The following KRT6C variants were observed in gnomAD, a reference collection of about 807,000 sequenced individuals.
KRT6C encodes keratin 6C, also known as keratin, type II cytoskeletal 6C.
Under a neutral mutation model 49.4 loss-of-function variants are expected in KRT6C, and 46 were observed. The observed-to-expected ratio is 0.93, with a 90% CI of 0.74 to 1.19. The LOEUF (loss-of-function observed/expected upper bound fraction) is 1.19. Among genes scored for constraint, KRT6C ranks in the 50% most tolerant of loss-of-function variants. KRT6C has a pLI of 0.00. For missense variants in KRT6C, 552 were observed against 737.5 expected (o/e 0.75, Z 2.91); for synonymous variants, 236 against 297.1 (o/e 0.79, Z 2.12).
chr12:52,470,653 G>T, intron 5 of KRT6C, 23 bp from the exon 6 acceptor site: 1 of 1,613,850 alleles, frequency 6.2e-7, no homozygotes. Context: ...GGTGGAGAGA[G>T]AGACAGTGTC....
Position 52,471,436 on chromosome 12 carries a change from T to C in KRT6C, c.897A>G (p.Arg299=), listed in dbSNP as rs761041689. ...AGATGCTTACTGCATCATACAAGGC[T>C]CTCAGGAAGTTGATCTCATCTGTGA... The part of the protein sequence containing the change: ...DTLTDEINFL[R]ALYDAELSQM... Residue 299 remains arginine, a synonymous_variant, in exon 4 of 9, where the codon AGA becomes AGG. Coordinates refer to ENST00000252250, the MANE Select transcript of KRT6C (RefSeq NM_173086.5). 2.5e-6 allele frequency: 4 copies of C among 1,613,822 alleles called. No individual in the cohort carries two copies. In the African/African-American group the frequency reaches 4.0e-5, roughly 16 times the overall value.
rs772403772 is a variant in KRT6C at position 52,469,779 on chromosome 12, G to C, written c.1315C>G (p.Gln439Glu). The stretch of plus-strand genomic sequence containing the variant: ...TCCTTCAGCAGCCGGGCCAGGTCCT[G>C]CTTGGCCTTCTGCAGGGCATCCTCC... Reference protein sequence around the residue: ...GLEDALQKAKQDLARLLKEYQ... With the variant: ...GLEDALQKAKEDLARLLKEYQ... Residue 439 changes from glutamine to glutamate, a missense_variant, in exon 7 of 9, where the codon CAG becomes GAG. Gln to Glu is a conservative substitution (Grantham distance 29). Transcript: ENST00000252250. 5.0e-5 allele frequency: 81 copies of C among 1,613,994 alleles called. No individual in the cohort carries two copies. In the South Asian group the frequency reaches 7.4e-4, roughly 15 times the overall value.
At chr12:52,472,339 T>C (rs1937903229) in intron 1 of KRT6C, 59 bp from the exon 2 acceptor site, 1 of 1,352,400 alleles carries the variant, frequency 7.4e-7, no homozygotes, top group African/African-American at 1.4e-5. Flanking sequence ...AAGTGTCTGG[T>C]ATCCAGTTTC....
chr12:52,472,411 G>T lies in KRT6C; in HGVS notation c.541-131C>A, dbSNP rs1250718912. ...CTACAGTGCATGTGGAGAGGCTCAG[G>T]CTGAGCTCTGCTCCCCCAACCCCTT... On this transcript the variant is annotated intron_variant, in intron 1 of 8. Transcript: ENST00000252250. 9.2e-5 allele frequency: 78 copies of T among 851,418 alleles called. 24 individuals carry two copies. The highest frequency in any genetic ancestry group is 1.2e-4 in the Non-Finnish European group (67 of 536,816). The allele number at this position is 851,418 out of a possible 1,614,324, so 52.7% of individuals were successfully genotyped here.
In KRT6C at chr12:52,469,419, AC is replaced by A. The variant is rs761965940; in HGVS notation, c.1450del (p.Val484SerfsTer5). On this transcript the variant is annotated frameshift_variant, in exon 8 of 9. Transcript: ENST00000252250. LOFTEE classifies it high-confidence loss of function. Reference protein sequence around the residue: ...CRLNGEGVGQVNVSVVQSTIS... With the variant: ...CRLNGEGVGQXNVSVVQSTIS... The stretch of plus-strand genomic sequence containing the variant: ...CAAGCAAAGGTACTTACAGACGTTG[AC>A]TTGTCCAACGCCTTCGCCATTCAGC... The A allele has an allele frequency of 6.2e-7, 1 of 1,613,954 alleles. No homozygotes were observed. The highest frequency in any genetic ancestry group is 1.3e-5 in the African/African-American group (1 of 75,032).
chr12:52,469,965 G>A, intron 6 of KRT6C, 75 bp from the exon 7 acceptor site: 1 of 1,558,416 alleles, frequency 6.4e-7, no homozygotes, highest in Non-Finnish European at 8.8e-7. Context: ...TAGTGAACCA[G>A]GGTCCTGTAA....
chr12:52,470,299 G>T, intron 6 of KRT6C: 1 of 843,052 alleles, frequency 1.2e-6, no homozygotes, highest in Non-Finnish European at 1.9e-6. Context: ...TGACTGTTGA[G>T]ACCTGGCCTT....
intron 8 of KRT6C, 46 bp downstream of exon 8, chr12:52,469,365 C>T (rs751286892): frequency 6.2e-7 from 1 of 1,614,062 alleles, no homozygotes; most frequent in Non-Finnish European, 8.5e-7. Context: ...TGAGCCCAGT[C>T]AGAAGAGTGC....
At chr12:52,469,601 A>G (rs1937835820) in intron 7 of KRT6C, 69 bp downstream of exon 7, 1 of 1,613,448 alleles carries the variant, frequency 6.2e-7, no homozygotes, top group South Asian at 1.1e-5. Flanking sequence ...TGCACCCTAG[A>G]ATTGTGCTCA....
At position 52,471,116 on chromosome 12, in the gene KRT6C, C is replaced by A. The variant is rs779832452; in HGVS notation, c.1077+16G>T. The A allele has an allele frequency of 6.2e-7, 1 of 1,614,062 alleles. No homozygotes were observed. Among genetic ancestry groups the A allele is most frequent in the Non-Finnish European group, 8.5e-7 (1 of 1,180,034 alleles). ...GGACACAAGGATTCCTCAGCAGCTG[C>A]CCACTCCCTGCTCACCTTGGTCTGG... On this transcript the variant is annotated intron_variant, in intron 5 of 8. Transcript: ENST00000252250.
chr12:52,473,138 T>A, intron 1 of KRT6C, 60 bp downstream of exon 1: 1 of 1,382,402 alleles, frequency 7.2e-7, no homozygotes, highest in South Asian at 1.2e-5. Flanking sequence ...AGCAGGAAGG[T>A]GTTGCTCTTC....
At chr12:52,470,002 G>T in intron 6 of KRT6C, 112 bp from the exon 7 acceptor site, 1 of 1,182,274 alleles carries the variant, frequency 8.5e-7, no homozygotes, top group South Asian at 1.3e-5. Context: ...AATGAGCTTT[G>T]ACTCTTCCTG....
Position 52,471,127 on chromosome 12 carries a change from C to T in KRT6C, c.1077+5G>A. 6.2e-7 allele frequency: 1 copy of T among 1,614,206 alleles called. No homozygotes were observed. Among genetic ancestry groups the T allele is most frequent in the South Asian group, 1.1e-5 (1 of 91,084 alleles). ...TTCCTCAGCAGCTGCCCACTCCCTG[C>T]TCACCTTGGTCTGGTACCAGGACTC... On this transcript the variant is annotated splice_donor_5th_base_variant and intron_variant, in intron 5 of 8. Coordinates refer to ENST00000252250, the MANE Select transcript of KRT6C (RefSeq NM_173086.5).
At position 52,469,409 on chromosome 12, in the gene KRT6C, A is replaced by G. The variant is rs1257225802; in HGVS notation, c.1459+2T>C. On this transcript the variant is annotated splice_donor_variant, in intron 8 of 8. Coordinates refer to ENST00000252250, the MANE Select transcript of KRT6C (RefSeq NM_173086.5). LOFTEE classifies it high-confidence loss of function. ...GGGAGGAAGGCAAGCAAAGGTACTT[A>G]CAGACGTTGACTTGTCCAACGCCTT... 6.2e-7 allele frequency: 1 copy of G among 1,614,004 alleles called. No individual in the cohort carries two copies. Among genetic ancestry groups the G allele is most frequent in the African/African-American group, 1.3e-5 (1 of 75,054 alleles).
rs1937852729 is a variant in KRT6C, at chr12:52,470,321, A to C, written c.1203+184T>G. The C allele has an allele frequency of 2.8e-6, 3 of 1,077,446 alleles. 1 individual carries two copies. The Admixed American group carries it at 6.0e-5, about 22-fold the overall frequency. The allele number at this position is 1,077,446 out of a possible 1,614,324, so 66.7% of individuals were successfully genotyped here. A position where few individuals can be genotyped will look rare whatever the true frequency, so the allele number is the denominator to read the frequency against. On this transcript the variant is annotated intron_variant, in intron 6 of 8. Coordinates refer to ENST00000252250, the MANE Select transcript of KRT6C (RefSeq NM_173086.5). The stretch of plus-strand genomic sequence containing the variant: ...TGAGACCTGGCCTTGCTTGTGCCTC[A>C]GAGGCTCATCCTCTTGGGTGGGATT...
At position 52,471,331 on chromosome 12, in the gene KRT6C, T is replaced by A. The variant is rs373103252; in HGVS notation, c.913-35A>T. The A allele has an allele frequency of 2.0e-5, 33 of 1,614,076 alleles. 1 individual carries two copies. The highest frequency in any genetic ancestry group is 2.6e-5 in the Non-Finnish European group (31 of 1,180,046). On this transcript the variant is annotated intron_variant, in intron 4 of 8. Transcript: ENST00000252250. Reference sequence around the variant, plus strand: ...AGAAGGTCATAAGATCAACTTCACATCTGACATTTACAGAGATACCCAACC... The same window carrying A: ...AGAAGGTCATAAGATCAACTTCACAACTGACATTTACAGAGATACCCAACC...
rs1304794649 is a variant in KRT6C, at chr12:52,469,012, A to T, written c.*50T>A. ...AGGCAACCTGAGGAGACGGCTCTGC[A>T]GCCAGAGAAGGGCCTGAGGACTGTG... is the stretch of plus-strand genomic sequence containing the variant. On this transcript the variant is annotated 3_prime_UTR_variant, in exon 9 of 9. Transcript: ENST00000252250. The T allele has an allele frequency of 6.2e-7, 1 of 1,612,542 alleles. No individual in the cohort carries two copies. The highest frequency in any genetic ancestry group is 1.3e-5 in the African/African-American group (1 of 74,902).
In KRT6C at chr12:52,468,845, T is replaced by C. The variant is rs1174533968; in HGVS notation, c.*217A>G. 4.9e-6 allele frequency: 3 copies of C among 614,730 alleles called. No homozygotes were observed. The highest frequency in any genetic ancestry group is 2.9e-5 in the Admixed American group (1 of 33,932). 38.1% of individuals were successfully genotyped at this position (614,730 alleles called of 1,614,324 possible). On this transcript the variant is annotated 3_prime_UTR_variant, in exon 9 of 9. Coordinates refer to ENST00000252250, the MANE Select transcript of KRT6C (RefSeq NM_173086.5). ...TGAAGCTCCATTGGTGAATACATTA[T>C]GATGTAAAATCAAAGGTTGATCTGA...
Position 52,469,764 on chromosome 12 carries a change from G to C in KRT6C, c.1330C>G (p.Leu444Val). The C allele has an allele frequency of 6.2e-7, 1 of 1,614,132 alleles. No individual in the cohort carries two copies. The highest frequency in any genetic ancestry group is 8.5e-7 in the Non-Finnish European group (1 of 1,180,014). The change falls in exon 7 of 9, where the codon CTG becomes GTG. Residue 444 changes from leucine to valine, a missense_variant. Physicochemically the swap from Leu to Val is conservative, Grantham distance 32. Transcript: ENST00000252250. ...LQKAKQDLAR[L>V]LKEYQELMNV... ...ATCAGCTCCTGGTACTCCTTCAGCA[G>C]CCGGGCCAGGTCCTGCTTGGCCTTC...
Sources: allele counts gnomAD v4.1 joint callset, GRCh38; gene constraint gnomAD v4.1.1; transcripts MANE v1.5; gene names NCBI Gene and HGNC (gene_info 2026-07-23, HGNC 2026-07-21).